SEC13: variants seen among roughly 807,000 people sequenced by gnomAD.
SEC13 encodes the protein SEC13 homolog, nuclear pore and COPII component, also known as protein SEC13 homolog.
A neutral mutation model predicts 49.2 loss-of-function variants in SEC13; 25 were observed. The ratio of observed to expected loss-of-function variants is 0.51; its 90% CI spans 0.37 to 0.71. The LOEUF (loss-of-function observed/expected upper bound fraction) is 0.71, where lower values mean the gene tolerates loss of function less well. Among genes scored for constraint, SEC13 ranks in the 30% least tolerant of loss-of-function variants. The probability of loss-of-function intolerance (pLI) is 0.00; values close to 1 mark genes in which losing one functional copy is unlikely to be tolerated. For synonymous variants in SEC13, 148 were observed against 163.9 expected (o/e 0.90, Z 0.74); for missense variants, 383 against 417.6 (o/e 0.92, Z 0.72).
In SEC13 at chr3:10,305,690, A is replaced by G. The variant is rs144578695; in HGVS notation, c.453T>C (p.Ile151=). The G allele has an allele frequency of 1.9e-6, 3 of 1,614,102 alleles. No homozygotes were observed. The highest frequency in any genetic ancestry group is 1.3e-5 in the African/African-American group (1 of 74,938). ...EVKKINNAHT[I]GCNAVSWAPA... ...GGGCCCAGCTGACGGCATTGCAGCC[A>G]ATCTGTAAAGATGGGACACATGGTG... The change falls in exon 6 of 9, where the codon ATT becomes ATC. Residue 151 remains isoleucine (I), a splice_region_variant and synonymous_variant. Coordinates refer to ENST00000350697, the MANE Select transcript of SEC13 (RefSeq NM_183352.3).
Position 10,305,270 on chromosome 3 carries a change from A to G in SEC13, c.585-114T>C, listed in dbSNP as rs1700800871. 3.5e-6 allele frequency: 5 copies of G among 1,422,600 alleles called. No individual in the cohort carries two copies. In the Admixed American group the frequency reaches 1.4e-4, roughly 39 times the overall value. The allele number at this position is 1,422,600 out of a possible 1,614,324, so 88.1% of individuals were successfully genotyped here. ...GAAGCGATTCCATCTTTCTTCTTTC[A>G]TTCATGGAGTTTGTGGCATTTTATT... On this transcript the variant is annotated intron_variant, in intron 6 of 8. Coordinates refer to ENST00000350697, the MANE Select transcript of SEC13 (RefSeq NM_183352.3).
At chr3:10,317,893 C>T (rs1701703590) in intron 2 of SEC13, among the ~76,000 whole-genome samples, 157 bp downstream of exon 2, 1 of 152,186 alleles carries the variant, frequency 6.6e-6, no homozygotes, top group Non-Finnish European at 1.5e-5. Context: ...GGGAGCCTGC[C>T]ATACCCCGAG....
In SEC13 at chr3:10,311,827, C is replaced by G. The variant is rs751265280; in HGVS notation, c.450+138G>C. On this transcript the variant is annotated intron_variant, in intron 5 of 8. Transcript: ENST00000350697. Reference sequence around the variant, plus strand: ...AGAGAGGCTCAAAGCTGCTCTAGAGCAATCATGTCTGGTCAGCTGACCACT... The same window carrying G: ...AGAGAGGCTCAAAGCTGCTCTAGAGGAATCATGTCTGGTCAGCTGACCACT... The G allele has an allele frequency of 7.1e-6, 11 of 1,558,170 alleles. No homozygotes were observed. In the African/African-American group the frequency reaches 1.2e-4, roughly 17 times the overall value.
Position 10,321,019 on chromosome 3 carries a change from C to T in SEC13, c.3+31G>A. The stretch of plus-strand genomic sequence containing the variant: ...TGAAGGCCGCGACCGTGGCCTTCAC[C>T]CTGCTAGGCCTCCTCAGTACCAACA... On this transcript the variant is annotated intron_variant, in intron 1 of 8. Coordinates refer to ENST00000350697, the MANE Select transcript of SEC13 (RefSeq NM_183352.3). This position sits in a 1 kb window ranked among gnomAD's most constrained non-coding sequence, Gnocchi z 4.1. 1 of 1,610,060 alleles carries T rather than the reference C, an allele frequency of 6.2e-7. No homozygotes were observed. The highest frequency in any genetic ancestry group is 8.5e-7 in the Non-Finnish European group (1 of 1,178,620).
chr3:10,317,542 G>A (rs1426558528), intron 2 of SEC13, among the ~76,000 whole-genome samples: 1 of 152,006 alleles, frequency 6.6e-6, no homozygotes, highest in Non-Finnish European at 1.5e-5. Context: ...CCTGAGTGTG[G>A]ACTTCTGGTT....
chr3:10,306,326 G>C (rs1278031874), intron 5 of SEC13, among the ~76,000 whole-genome samples: 1 of 152,040 alleles, frequency 6.6e-6, no homozygotes, highest in African/African-American at 2.4e-5. Context: ...ATGTTCCTCT[G>C]AATTCCTGAA....
At chr3:10,305,763 T>C in intron 5 of SEC13, 71 bp from the exon 6 acceptor site, 1 of 1,559,878 alleles carries the variant, frequency 6.4e-7, no homozygotes, top group South Asian at 1.1e-5. Context: ...AAGCCTGCTG[T>C]CCCTCTCCCC....
chr3:10,305,399 G>A, intron 6 of SEC13, 160 bp downstream of exon 6: 5 of 1,089,474 alleles, frequency 4.6e-6, no homozygotes, highest in Non-Finnish European at 6.6e-6. Context: ...GTGTTGTGTT[G>A]TTTTTCAAGG....
chr3:10,302,765 A>T (rs1428625429), intron 8 of SEC13, among the ~76,000 whole-genome samples: 2 of 152,322 alleles, frequency 1.3e-5, no homozygotes, highest in Non-Finnish European at 2.9e-5. Context: ...CGCAATAGCT[A>T]AGAGGTGGCA....
At chr3:10,304,970 C>CT in intron 7 of SEC13, 63 bp downstream of exon 7, 1 of 1,610,972 alleles carries the variant, frequency 6.2e-7, no homozygotes, top group East Asian at 2.2e-5. Flanking sequence ...GCTAAGGAGA[C>CT]TAAGAGCTGA....
intron 1 of SEC13, among the ~76,000 whole-genome samples, chr3:10,318,602 G>A (rs1322659143): frequency 6.6e-6 from 1 of 152,142 alleles, no homozygotes; most frequent in African/African-American, 2.4e-5. Context: ...GGATGACAGA[G>A]CCTCTGATGT....
intron 4 of SEC13, 119 bp downstream of exon 4, chr3:10,312,460 A>G (rs1701335025): frequency 5.5e-6 from 7 of 1,284,404 alleles, no homozygotes; most frequent in Non-Finnish European, 7.5e-6. Context: ...AAAGCCAACC[A>G]AAGCTCAAGA....
At chr3:10,315,109 C>T (rs1379530835) in intron 3 of SEC13, 1 of 496,460 alleles carries the variant, frequency 2.0e-6, no homozygotes. Context: ...AGCTGAGATT[C>T]ACACCTGTAT....
intron 2 of SEC13, among the ~76,000 whole-genome samples, chr3:10,317,471 G>A (rs920109190): frequency 6.6e-6 from 1 of 152,022 alleles, no homozygotes; most frequent in African/African-American, 2.4e-5. Context: ...TTAACCTCTG[G>A]ACCTTCTCCT....
chr3:10,320,825 C>A, intron 1 of SEC13: 1 of 1,323,824 alleles, frequency 7.6e-7, no homozygotes, highest in Non-Finnish European at 9.6e-7. Context: ...GCAGGAGACG[C>A]AGGAGCGGCG....
In SEC13 at chr3:10,312,561, CT is replaced by C. The variant is rs1254148318; in HGVS notation, c.316+17del. 1.2e-6 allele frequency: 2 copies of C among 1,613,378 alleles called. No individual in the cohort carries two copies. Among genetic ancestry groups the C allele is most frequent in the African/African-American group, 2.7e-5 (2 of 74,916 alleles). ...CCCAGTGGTCCCCTTGCCCGCTCTG[CT>C]GCCAAGCTCAGCATACCTGAGGAGT... On this transcript the variant is annotated intron_variant, in intron 4 of 8. Coordinates refer to ENST00000350697, the MANE Select transcript of SEC13 (RefSeq NM_183352.3).
At chr3:10,302,632 G>T (rs1428589431) in intron 8 of SEC13, among the ~76,000 whole-genome samples, 2 of 152,100 alleles carry the variant, frequency 1.3e-5, no homozygotes, top group African/African-American at 4.8e-5. Flanking sequence ...CTAGAAATAT[G>T]GCTTTGAGAG....
intron 2 of SEC13, among the ~76,000 whole-genome samples, chr3:10,317,646 T>C (rs998975022): frequency 6.6e-6 from 1 of 152,092 alleles, no homozygotes; most frequent in Admixed American, 6.5e-5. Context: ...TATTGAGTCA[T>C]CTTTCTACAC....
chr3:10,308,023 G>A (rs1048318542), intron 5 of SEC13, among the ~76,000 whole-genome samples: 1 of 152,180 alleles, frequency 6.6e-6, no homozygotes, highest in Non-Finnish European at 1.5e-5. Context: ...CTGAATTCTT[G>A]CATATTGATA....
Sources: gnomAD v4.1 joint callset for allele counts (sites outside exome capture counted in the v4.1 genomes callset) on GRCh38, gnomAD v4.1.1 for gene constraint, Gnocchi (gnomAD v3.1) non-coding constraint, MANE v1.5 for transcripts, NCBI Gene and HGNC (gene_info 2026-07-23, HGNC 2026-07-21) for gene names.